AGBL4: variants seen among roughly 807,000 people sequenced by gnomAD.
AGBL4 encodes cytosolic carboxypeptidase 6.
Under a neutral mutation model 66.4 loss-of-function variants are expected in AGBL4, and 58 were observed. The observed-to-expected ratio is 0.87, with a 90% CI of 0.71 to 1.09. The LOEUF is 1.09. AGBL4 is among the 50% of genes least tolerant of loss of function. The pLI, the probability that AGBL4 is intolerant of heterozygous loss-of-function variation, is 0.00. For synonymous variants in AGBL4, 234 were observed against 222.9 expected (o/e 1.05, Z -0.44); for missense variants, 579 against 631.0 (o/e 0.92, Z 0.88).
intron 5 of AGBL4, among the ~76,000 whole-genome samples, chr1:48,879,302 T>G (rs1334511921): frequency 6.6e-6 from 1 of 151,906 alleles, no homozygotes; most frequent in East Asian, 1.9e-4. Flanking sequence ...TGCACGAGTG[T>G]GCACACAAGC....
intron 6 of AGBL4, among the ~76,000 whole-genome samples, chr1:48,810,031 G>A (rs528735157): frequency 6.6e-6 from 1 of 152,220 alleles, no homozygotes; most frequent in South Asian, 2.1e-4. Flanking sequence ...TCAAAATTTT[G>A]TGGTGTGATT....
chr1:49,690,408 T>C (rs974190286), intron 3 of AGBL4, among the ~76,000 whole-genome samples: 2 of 152,296 alleles, frequency 1.3e-5, no homozygotes, highest in Middle Eastern at 3.4e-3. Flanking sequence ...TTGCTTTCAA[T>C]AGTTAGCTAT....
chr1:48,828,749 A>G (rs1646485380), intron 6 of AGBL4, among the ~76,000 whole-genome samples: 1 of 152,206 alleles, frequency 6.6e-6, no homozygotes, highest in Non-Finnish European at 1.5e-5. Context: ...AAAATCCATT[A>G]CTTAGCTCTA....
chr1:49,129,028 C>T (rs892285412), intron 4 of AGBL4, among the ~76,000 whole-genome samples: 18 of 151,894 alleles, frequency 1.2e-4, no homozygotes, highest in East Asian at 7.7e-4. Flanking sequence ...ATAATAGAAT[C>T]AGAAAATGGG....
At chr1:48,895,590 C>T (rs529245703) in intron 5 of AGBL4, among the ~76,000 whole-genome samples, 7 of 152,278 alleles carry the variant, frequency 4.6e-5, no homozygotes, top group East Asian at 3.9e-4. Flanking sequence ...ATCAATCAAG[C>T]GAGTTGATTT....
In AGBL4 at chr1:49,964,091, C is replaced by A. The variant is rs963378144; in HGVS notation, c.34+59672G>T. ...CTCTATATTAAAATTTAATTTCTCT[C>A]ATCTTGGTTGACAGAACCAAGTAGG... On this transcript the variant is annotated intron_variant, in intron 1 of 13. Coordinates refer to ENST00000371839, the MANE Select transcript of AGBL4 (RefSeq NM_032785.4). Among the ~76,000 whole-genome samples the A allele has an allele frequency of 3.6e-4, 55 of 152,270 alleles. 1 individual carries two copies. Among genetic ancestry groups the A allele is most frequent in the African/African-American group, 1.3e-3 (54 of 41,580 alleles).
intron 9 of AGBL4, among the ~76,000 whole-genome samples, chr1:48,622,475 ATTTTTTTTT>A (rs35455455): frequency 1.4e-4 from 10 of 71,858 alleles, no homozygotes; most frequent in Admixed American, 5.6e-4. Flanking sequence ...ATTCAAATAC[ATTTTTTTTT>A]TTTTTTTTTT....
At chr1:49,361,256 CCAT>C (rs1160348301) in intron 3 of AGBL4, among the ~76,000 whole-genome samples, 1 of 152,172 alleles carries the variant, frequency 6.6e-6, no homozygotes, top group Admixed American at 6.6e-5. Context: ...CCTCTGACAG[CCAT>C]CATCATTCCT....
At chr1:49,502,420 G>C (rs1648252295) in intron 3 of AGBL4, among the ~76,000 whole-genome samples, 1 of 152,080 alleles carries the variant, frequency 6.6e-6, no homozygotes, top group Non-Finnish European at 1.5e-5. Context: ...GCTACCAGAA[G>C]TGGGGTGCTG....
chr1:49,624,797 C>G (rs1197202117), intron 3 of AGBL4, among the ~76,000 whole-genome samples: 5 of 152,176 alleles, frequency 3.3e-5, no homozygotes, highest in African/African-American at 1.2e-4. Context: ...ATACACGCAT[C>G]TAGACCTTTC....
intron 2 of AGBL4, among the ~76,000 whole-genome samples, chr1:49,746,035 G>C (rs1650960452): frequency 6.6e-6 from 1 of 151,854 alleles, no homozygotes; most frequent in African/African-American, 2.4e-5. Flanking sequence ...CTCAGACATA[G>C]TCATCCAGTA....
chr1:48,775,349 C>A (rs1239453271), intron 6 of AGBL4, among the ~76,000 whole-genome samples: 1 of 152,118 alleles, frequency 6.6e-6, no homozygotes, highest in Non-Finnish European at 1.5e-5. Context: ...AGCTAACTTG[C>A]CATGAGACCC....
chr1:49,940,294 G>A lies in AGBL4; in HGVS notation c.34+83469C>T, dbSNP rs1011794046. Among the ~76,000 whole-genome samples the A allele has an allele frequency of 1.2e-4, 18 of 152,300 alleles. 1 individual carries two copies. Among genetic ancestry groups the A allele is most frequent in the Admixed American group, 5.2e-4 (8 of 15,296 alleles). On this transcript the variant is annotated intron_variant, in intron 1 of 13. Coordinates refer to ENST00000371839, the MANE Select transcript of AGBL4 (RefSeq NM_032785.4). Reference sequence around the variant, plus strand: ...CAACCATTGTGGAAGTCAGTGTGGCGATTCTTCAGGGATCTAGAACTAGAA... The same window carrying A: ...CAACCATTGTGGAAGTCAGTGTGGCAATTCTTCAGGGATCTAGAACTAGAA...
At chr1:48,725,888 G>C (rs1026045795) in intron 6 of AGBL4, among the ~76,000 whole-genome samples, 45 of 152,166 alleles carry the variant, frequency 3.0e-4, no homozygotes, top group African/African-American at 1.0e-3. Flanking sequence ...ATTCCTTGTT[G>C]CATCTACTTC....
intron 1 of AGBL4, among the ~76,000 whole-genome samples, chr1:49,936,821 A>C (rs972329745): frequency 2.6e-5 from 4 of 152,182 alleles, no homozygotes; most frequent in African/African-American, 9.7e-5. Flanking sequence ...GCCTGCCATA[A>C]AAGAGCTCCT....
rs543885264 is a variant in AGBL4 at position 49,530,259 on chromosome 1, T to TA, written c.282+167053dup. The stretch of plus-strand genomic sequence containing the variant: ...CAGCTATGTTTTCAAGTAGAATTTG[T>TA]AAAAAAAAAAAAACAAAAAAAAACT... On this transcript the variant is annotated intron_variant, in intron 3 of 13. Transcript: ENST00000371839. Among the ~76,000 whole-genome samples, 707 of 75,902 alleles carry TA rather than the reference T, an allele frequency of 9.3e-3. 77 individuals carry two copies. The highest frequency in any genetic ancestry group is 0.016 in the South Asian group (35 of 2,220). 49.8% of individuals were successfully genotyped at this position (75,902 alleles called of 152,430 possible).
intron 3 of AGBL4, among the ~76,000 whole-genome samples, chr1:49,428,291 T>A (rs1645711750): frequency 6.6e-6 from 1 of 152,208 alleles, no homozygotes. Flanking sequence ...TTCCACAGAT[T>A]CATAGTGGGC....
At chr1:48,885,280 G>A (rs1891845) in intron 5 of AGBL4, among the ~76,000 whole-genome samples, 76,581 of 152,116 alleles carry the variant, frequency 0.5, 22,267 homozygotes, top group Non-Finnish European at 0.67. Flanking sequence ...ACACAGTTAC[G>A]CTCATTCATT....
At chr1:49,067,843 G>A (rs148396977) in intron 4 of AGBL4, among the ~76,000 whole-genome samples, 76 of 152,080 alleles carry the variant, frequency 5.0e-4, no homozygotes, top group Non-Finnish European at 9.4e-4. Flanking sequence ...TGCCATGTTC[G>A]TTTGCTGCAC....
Sources: allele counts gnomAD v4.1 joint callset (sites outside exome capture counted in the v4.1 genomes callset), GRCh38; gene constraint gnomAD v4.1.1; transcripts MANE v1.5; gene names NCBI Gene and HGNC (gene_info 2026-07-23, HGNC 2026-07-21).